PPA1: variants seen among roughly 807,000 people sequenced by gnomAD.
PPA1 encodes the protein inorganic pyrophosphatase.
Under a neutral mutation model 41.8 loss-of-function variants are expected in PPA1, and 23 were observed. The observed-to-expected ratio is 0.55, with a 90% CI of 0.40 to 0.78. The LOEUF (loss-of-function observed/expected upper bound fraction) is 0.78. Among genes scored for constraint, PPA1 ranks in the 30% least tolerant of loss-of-function variants. The pLI, the probability that PPA1 is intolerant of heterozygous loss-of-function variation, is 0.00. For synonymous variants in PPA1, 101 were observed against 116.8 expected (o/e 0.86, Z 0.87); for missense variants, 320 against 361.6 (o/e 0.89, Z 0.93).
intron 1 of PPA1, among the ~76,000 whole-genome samples, chr10:70,231,739 G>A (rs1840291463): frequency 6.6e-6 from 1 of 152,170 alleles, no homozygotes; most frequent in Non-Finnish European, 1.5e-5. Context: ...CTATGTAGTG[G>A]GTTCTAATTA....
chr10:70,231,924 C>T (rs568100514), intron 1 of PPA1, among the ~76,000 whole-genome samples: 2 of 152,278 alleles, frequency 1.3e-5, no homozygotes, highest in South Asian at 4.2e-4. Context: ...AAGATCCACC[C>T]CTCACCTTCA....
chr10:70,220,948 TATATATA>T (rs1840149895), intron 2 of PPA1, among the ~76,000 whole-genome samples: 3 of 19,742 alleles, frequency 1.5e-4, no homozygotes, highest in African/African-American at 3.5e-4. Flanking sequence ...ATATATAATT[TATATATA>T]ATATATATAA....
At chr10:70,209,533 G>A (rs1839990645) in intron 7 of PPA1, 25 bp downstream of exon 7, 9 of 1,575,404 alleles carry the variant, frequency 5.7e-6, no homozygotes, top group Non-Finnish European at 6.9e-6. Context: ...TGAGCCTAAA[G>A]CTACAGTTCT....
intron 6 of PPA1, among the ~76,000 whole-genome samples, chr10:70,210,658 A>G (rs1446734758): frequency 6.6e-6 from 1 of 152,242 alleles, no homozygotes; most frequent in Non-Finnish European, 1.5e-5. Flanking sequence ...GCAAACAGAG[A>G]TACACATCCT....
At chr10:70,204,981 T>C (rs1839921658) in intron 9 of PPA1, 66 bp from the exon 10 acceptor site, 10 of 1,225,812 alleles carry the variant, frequency 8.2e-6, no homozygotes, top group Non-Finnish European at 9.2e-6. Flanking sequence ...AAAGGTATAC[T>C]GACAAAAATT....
chr10:70,216,252 C>T (rs984679691), intron 4 of PPA1, among the ~76,000 whole-genome samples: 1 of 152,066 alleles, frequency 6.6e-6, no homozygotes, highest in South Asian at 2.1e-4. Context: ...CTTTGCAAGG[C>T]CGAGGCAGGC....
intron 6 of PPA1, among the ~76,000 whole-genome samples, chr10:70,213,025 G>T (rs1840039607): frequency 6.6e-6 from 1 of 152,172 alleles, no homozygotes; most frequent in Non-Finnish European, 1.5e-5. Context: ...GGGACAGGGA[G>T]TGATTGCCCA....
chr10:70,213,670 A>C (rs1025145982), intron 5 of PPA1, 81 bp from the exon 6 acceptor site: 6 of 1,460,304 alleles, frequency 4.1e-6, no homozygotes, highest in Admixed American at 2.2e-5. Context: ...ACAGGAAATA[A>C]GAAAGAGGCC....
In PPA1 at chr10:70,204,892, G is replaced by A; in HGVS notation, c.819C>T (p.Ala273=). The stretch of plus-strand genomic sequence containing the variant: ...TCTTACCGTCTGTTGGTACTGTGCA[G>A]GCAGATTCACAGGGTGGTGGTAACT... ...VDALPPPCES[A]CTVPTDVDKW... The change falls in exon 10 of 11, where the codon GCC becomes GCT. Residue 273 remains alanine, a synonymous_variant. Transcript: ENST00000373232. 1 of 1,597,268 alleles carries A rather than the reference G, an allele frequency of 6.3e-7. No homozygotes were observed. Among genetic ancestry groups the A allele is most frequent in the Non-Finnish European group, 8.6e-7 (1 of 1,168,250 alleles).
intron 2 of PPA1, among the ~76,000 whole-genome samples, chr10:70,223,247 C>T (rs1336166710): frequency 7.0e-6 from 1 of 142,482 alleles, no homozygotes; most frequent in Non-Finnish European, 1.5e-5. Flanking sequence ...CGGGGTCTCA[C>T]TCTGTCATCC....
At chr10:70,227,764 G>A (rs544087263) in intron 2 of PPA1, among the ~76,000 whole-genome samples, 6 of 150,974 alleles carry the variant, frequency 4.0e-5, no homozygotes, top group Middle Eastern at 3.4e-3. Flanking sequence ...GGAGCTGACT[G>A]AGCTGTGTTA....
rs529898369 is a variant in PPA1 at position 70,207,930 on chromosome 10, C to T, written c.725+1275G>A. ...CATCAAGGCCGGGTGTGGTGGCTCACGCCTGTAATCCCACCACTTTGGGAG... is the reference window on the plus strand; with the variant it reads ...CATCAAGGCCGGGTGTGGTGGCTCATGCCTGTAATCCCACCACTTTGGGAG... On this transcript the variant is annotated intron_variant, in intron 8 of 10. Transcript: ENST00000373232. 6.3e-3 allele frequency among the ~76,000 whole-genome samples: 446 copies of T among 70,270 alleles called. 2 individuals carry two copies. The highest frequency in any genetic ancestry group is 0.013 in the Non-Finnish European group (343 of 26,164). 46.1% of individuals were successfully genotyped at this position (70,270 alleles called of 152,430 possible). A position where few individuals can be genotyped will look rare whatever the true frequency, so the allele number is the denominator to read the frequency against.
chr10:70,223,393 TTA>T (rs1483614783), intron 2 of PPA1, among the ~76,000 whole-genome samples: 2 of 152,022 alleles, frequency 1.3e-5, no homozygotes, highest in African/African-American at 4.8e-5. Flanking sequence ...TGTTTTTTAA[TTA>T]TGTTTTTGGA....
Position 70,206,265 on chromosome 10 carries a change from G to T in PPA1, c.794C>A (p.Ala265Asp). ...TTTTTTAAGGAAACTTTTACATACA[G>T]CATCCACAATGGCTCTGGCAGCATC... The part of the protein sequence containing the change: ...DPDAARAIVD[A>D]LPPPCESACT... Residue 265 changes from alanine (A) to aspartate (D), a missense_variant and splice_region_variant, in exon 9 of 11, where the codon GCT becomes GAT. Ala to Asp is a moderately radical substitution (Grantham distance 126). Transcript: ENST00000373232. 2.5e-6 allele frequency: 4 copies of T among 1,608,662 alleles called. No individual in the cohort carries two copies. Among genetic ancestry groups the T allele is most frequent in the Non-Finnish European group, 3.4e-6 (4 of 1,175,554 alleles).
chr10:70,204,767 C>A (rs983862289), intron 10 of PPA1, 106 bp downstream of exon 10: 3 of 899,282 alleles, frequency 3.3e-6, no homozygotes, highest in Non-Finnish European at 5.1e-6. Flanking sequence ...TCACACTGTA[C>A]CCATAAATAT....
intron 1 of PPA1, among the ~76,000 whole-genome samples, chr10:70,231,983 C>T (rs1471363772): frequency 6.6e-6 from 1 of 152,176 alleles, no homozygotes; most frequent in Non-Finnish European, 1.5e-5. Context: ...AATTCTGGAG[C>T]CAACACTATT....
At chr10:70,225,458 G>A (rs893527587) in intron 2 of PPA1, among the ~76,000 whole-genome samples, 2 of 151,570 alleles carry the variant, frequency 1.3e-5, no homozygotes, top group African/African-American at 2.4e-5. Context: ...CAAGCAATTC[G>A]TCCACCTAGG....
intron 8 of PPA1, among the ~76,000 whole-genome samples, chr10:70,208,018 C>T (rs1293928145): frequency 1.3e-5 from 2 of 151,906 alleles, no homozygotes; most frequent in African/African-American, 2.4e-5. Context: ...GGCAAAACCC[C>T]GTCTCTACTA....
intron 1 of PPA1, among the ~76,000 whole-genome samples, chr10:70,232,780 G>A (rs982979487): frequency 6.6e-6 from 1 of 152,188 alleles, no homozygotes; most frequent in African/African-American, 2.4e-5. Context: ...GTAAAACGAG[G>A]GGGTGGACTT....
Sources: gnomAD v4.1 joint callset for allele counts (sites outside exome capture counted in the v4.1 genomes callset) on GRCh38, gnomAD v4.1.1 for gene constraint, MANE v1.5 for transcripts, NCBI Gene and HGNC (gene_info 2026-07-23, HGNC 2026-07-21) for gene names.